LGR4: variants seen among roughly 807,000 people sequenced by gnomAD.
LGR4 encodes leucine rich repeat containing G protein-coupled receptor 4.
Under a neutral mutation model 84.8 loss-of-function variants are expected in LGR4, and 44 were observed. The observed-to-expected ratio is 0.52, with a 90% CI of 0.41 to 0.67. The LOEUF (loss-of-function observed/expected upper bound fraction) is 0.67. Ranked by LOEUF, LGR4 falls within the 30% of genes least tolerant of loss-of-function variation. The pLI, the probability that LGR4 is intolerant of heterozygous loss-of-function variation, is 0.00. For synonymous variants in LGR4, 429 were observed against 434.3 expected (o/e 0.99, Z 0.15); for missense variants, 1,032 against 1,131.4 (o/e 0.91, Z 1.26).
intron 7 of LGR4, among the ~76,000 whole-genome samples, chr11:27,381,697 A>G (rs1237150239): frequency 1.3e-5 from 1 of 77,108 alleles, no homozygotes; most frequent in Admixed American, 1.8e-4. Context: ...CTCAAAACAT[A>G]CAAACAATCA....
intron 11 of LGR4, 104 bp downstream of exon 11, chr11:27,378,593 T>C (rs1863033229): frequency 1.2e-6 from 1 of 810,430 alleles, no homozygotes; most frequent in Non-Finnish European, 2.1e-6. Context: ...GAAGTAATTA[T>C]ACCTCAAAAC....
intron 1 of LGR4, 91 bp downstream of exon 1, chr11:27,472,027 G>C (rs1441374171): frequency 1.0e-6 from 1 of 969,894 alleles, no homozygotes; most frequent in Non-Finnish European, 1.3e-6. Flanking sequence ...GGGCGGGGTG[G>C]GGTGGGACTG....
rs188901138 is a variant in LGR4, at chr11:27,449,487, C to A, written c.185+22631G>T. Among the ~76,000 whole-genome samples the A allele has an allele frequency of 3.6e-3, 544 of 152,096 alleles. 3 individuals are homozygous for A. The highest frequency in any genetic ancestry group is 0.013 in the African/African-American group (521 of 41,486). On this transcript the variant is annotated intron_variant, in intron 1 of 17. Coordinates refer to ENST00000379214, the MANE Select transcript of LGR4 (RefSeq NM_018490.5). ...GTCCTAGCTACTCAAAAGGCTGAGG[C>A]AGGAGGGTGACTTGAGCCTAAGAGC...
chr11:27,369,266 A>G (rs1049711882), intron 17 of LGR4, 123 bp from the exon 18 acceptor site: 9 of 688,422 alleles, frequency 1.3e-5, no homozygotes, highest in Non-Finnish European at 2.0e-5. Context: ...CTACTTGAAC[A>G]AAACTGAACT....
chr11:27,387,469 A>C (rs1318765038), intron 4 of LGR4, among the ~76,000 whole-genome samples: 1 of 152,222 alleles, frequency 6.6e-6, no homozygotes, highest in Non-Finnish European at 1.5e-5. Flanking sequence ...TGAGACCTAA[A>C]GAAAATGCAA....
chr11:27,431,834 T>C (rs1288512859), intron 1 of LGR4, among the ~76,000 whole-genome samples: 1 of 152,252 alleles, frequency 6.6e-6, no homozygotes, highest in Non-Finnish European at 1.5e-5. Context: ...ATCCAAGTTC[T>C]ACCATGTATT....
rs550700702 is a variant in LGR4 at position 27,398,852 on chromosome 11, A to C, written c.258-6334T>G. Among the ~76,000 whole-genome samples, 3 of 152,160 alleles carry C rather than the reference A, an allele frequency of 2.0e-5. No homozygotes were observed. The South Asian group carries it at 6.2e-4, about 32-fold the overall frequency. On this transcript the variant is annotated intron_variant, in intron 2 of 17. Transcript: ENST00000379214. The stretch of plus-strand genomic sequence containing the variant: ...CTTCGAGCACCACCATTCCCTTCTG[A>C]CCAACATTTATCTACCCCTCAGCAA...
chr11:27,471,418 T>C (rs544606316), intron 1 of LGR4, among the ~76,000 whole-genome samples: 2 of 152,246 alleles, frequency 1.3e-5, no homozygotes, highest in African/African-American at 2.4e-5. Context: ...AAAGGCCTTG[T>C]TGGGTAAGAG....
intron 1 of LGR4, among the ~76,000 whole-genome samples, chr11:27,427,683 T>G (rs1380505636): frequency 6.6e-6 from 1 of 152,200 alleles, no homozygotes; most frequent in African/African-American, 2.4e-5. Flanking sequence ...AAACAGCACA[T>G]TGGCACTCTT....
chr11:27,383,471 A>C (rs1565073790), intron 6 of LGR4, among the ~76,000 whole-genome samples: 2 of 152,204 alleles, frequency 1.3e-5, no homozygotes, highest in Non-Finnish European at 2.9e-5. Flanking sequence ...CTGAGTTTGG[A>C]ACTATCCTCT....
intron 1 of LGR4, among the ~76,000 whole-genome samples, chr11:27,470,635 A>G (rs751460332): frequency 1.8e-4 from 27 of 151,354 alleles, no homozygotes; most frequent in Non-Finnish European, 3.5e-4. Flanking sequence ...TTCCCACTTA[A>G]TGTAACTTTA....
At chr11:27,397,592 C>G (rs954301816) in intron 2 of LGR4, among the ~76,000 whole-genome samples, 2 of 152,154 alleles carry the variant, frequency 1.3e-5, no homozygotes, top group Non-Finnish European at 2.9e-5. Context: ...TTTCTTATTT[C>G]ATTTCTACTC....
At chr11:27,390,754 T>C (rs1282193931) in intron 4 of LGR4, among the ~76,000 whole-genome samples, 1 of 152,206 alleles carries the variant, frequency 6.6e-6, no homozygotes, top group African/African-American at 2.4e-5. Context: ...AACCTCTTTG[T>C]GGCTGTTTCT....
rs370432730 is a variant in LGR4 at position 27,419,826 on chromosome 11, G to T, written c.186-6966C>A. On this transcript the variant is annotated intron_variant, in intron 1 of 17. Coordinates refer to ENST00000379214, the MANE Select transcript of LGR4 (RefSeq NM_018490.5). Reference sequence around the variant, plus strand: ...ACCTTATGCTAAGTAAAAGAGGCTAGATGCAACAGGCTACATATTGCACGA... The same window carrying T: ...ACCTTATGCTAAGTAAAAGAGGCTATATGCAACAGGCTACATATTGCACGA... Among the ~76,000 whole-genome samples the T allele has an allele frequency of 3.9e-5, 6 of 152,000 alleles. No homozygotes were observed. In the East Asian group the frequency reaches 1.2e-3, roughly 29 times the overall value.
At chr11:27,421,896 A>C (rs1427844407) in intron 1 of LGR4, among the ~76,000 whole-genome samples, 1 of 152,192 alleles carries the variant, frequency 6.6e-6, no homozygotes, top group Non-Finnish European at 1.5e-5. Flanking sequence ...ATAAATGCCA[A>C]AGACAAAAAA....
At chr11:27,451,614 T>A (rs1434286160) in intron 1 of LGR4, among the ~76,000 whole-genome samples, 1 of 152,226 alleles carries the variant, frequency 6.6e-6, no homozygotes, top group Admixed American at 6.5e-5. Context: ...TCTAGACTAT[T>A]GTTGCTTAAA....
chr11:27,420,603 G>C (rs187231972), intron 1 of LGR4, among the ~76,000 whole-genome samples: 2 of 151,994 alleles, frequency 1.3e-5, no homozygotes, highest in East Asian at 1.9e-4. Context: ...CAATTATTTA[G>C]ATTTTTATAT....
intron 13 of LGR4, among the ~76,000 whole-genome samples, chr11:27,374,625 T>G (rs1462463594): frequency 3.9e-5 from 6 of 152,160 alleles, no homozygotes; most frequent in Admixed American, 3.9e-4. Context: ...ACAGAAATAA[T>G]CTACAAACAC....
Position 27,377,214 on chromosome 11 carries a change from A to C in LGR4, c.1053T>G (p.Ser351=). The C allele has an allele frequency of 6.5e-7, 1 of 1,547,252 alleles. No individual in the cohort carries two copies. Among genetic ancestry groups the C allele is most frequent in the Non-Finnish European group, 8.9e-7 (1 of 1,123,980 alleles). Residue 351 remains serine, a synonymous_variant, in exon 12 of 18, where the codon TCT becomes TCG. Transcript: ENST00000379214. ...EQKMLRTLDL[S]YNNIRDLPSF... is the part of the protein sequence containing the mutation. ...TTGGAAGGTCTCTTATATTATTGTA[A>C]GACAAGTCCCTTAAAACAATGGAAA...
Sources: allele counts gnomAD v4.1 joint callset (sites outside exome capture counted in the v4.1 genomes callset), GRCh38; gene constraint gnomAD v4.1.1; transcripts MANE v1.5; gene names NCBI Gene and HGNC (gene_info 2026-07-23, HGNC 2026-07-21).